Variants in PALM2AKAP2 observed in about 807,000 individuals in gnomAD.
The protein encoded by PALM2AKAP2 is PALM2-AKAP2 fusion protein.
Under a neutral mutation model 71.5 loss-of-function variants are expected in PALM2AKAP2, and 37 were observed. That is an observed-to-expected ratio of 0.52 (90% CI 0.40 to 0.68). The LOEUF is 0.68. Among genes scored for constraint, PALM2AKAP2 ranks in the 30% least tolerant of loss-of-function variants. PALM2AKAP2 has a pLI of 0.00. For synonymous variants in PALM2AKAP2, 468 were observed against 478.8 expected (o/e 0.98, Z 0.29); for missense variants, 1,224 against 1,191.8 (o/e 1.03, Z -0.40).
chr9:110,096,771 G>T (rs907646648), intron 1 of PALM2AKAP2, among the ~76,000 whole-genome samples: 3 of 150,638 alleles, frequency 2.0e-5, no homozygotes, highest in African/African-American at 7.3e-5. Flanking sequence ...TTCTGGGAAA[G>T]AGACTTTTTG....
chr9:109,967,725 G>C (rs1403410271), intron 6 of PALM2AKAP2, among the ~76,000 whole-genome samples: 1 of 152,192 alleles, frequency 6.6e-6, no homozygotes, highest in Non-Finnish European at 1.5e-5. Context: ...TCCATGTCTT[G>C]AAGGGAGAAG....
chr9:110,135,517 A>G (rs960838748), intron 1 of PALM2AKAP2, among the ~76,000 whole-genome samples: 3 of 152,016 alleles, frequency 2.0e-5, no homozygotes, highest in African/African-American at 4.8e-5. Context: ...CTTCTTAACT[A>G]AAGAGTATTA....
At chr9:110,153,030 C>G (rs1290195691) in intron 2 of PALM2AKAP2, among the ~76,000 whole-genome samples, 1 of 152,188 alleles carries the variant, frequency 6.6e-6, no homozygotes, top group African/African-American at 2.4e-5. Flanking sequence ...CGACCATTCT[C>G]AGCCCCCTTG....
At chr9:109,823,084 C>A (rs970084906) in intron 1 of PALM2AKAP2, among the ~76,000 whole-genome samples, 1 of 152,154 alleles carries the variant, frequency 6.6e-6, no homozygotes, top group African/African-American at 2.4e-5. Flanking sequence ...GAGAGACTCT[C>A]GTCAGATCAG....
At chr9:110,016,185 C>A (rs1832977607) in intron 7 of PALM2AKAP2, 146 bp downstream of exon 7, 2 of 758,852 alleles carry the variant, frequency 2.6e-6, no homozygotes, top group Non-Finnish European at 4.3e-6. Context: ...AGGGAGGCAA[C>A]CGTACATAAG....
intron 1 of PALM2AKAP2, among the ~76,000 whole-genome samples, chr9:109,691,866 A>ATATATATATG (rs1282684285): frequency 4.1e-4 from 16 of 39,358 alleles, no homozygotes; most frequent in African/African-American, 1.5e-3. Flanking sequence ...ATATATATAT[A>ATATATATATG]TACACACACA....
intron 1 of PALM2AKAP2, among the ~76,000 whole-genome samples, chr9:110,071,162 T>TA (rs1834198889): frequency 5.5e-5 from 1 of 18,310 alleles, no homozygotes; most frequent in Admixed American, 6.6e-4. Flanking sequence ...AGACTCTGTT[T>TA]CAAAAAAAAA....
intron 2 of PALM2AKAP2, among the ~76,000 whole-genome samples, chr9:110,144,987 C>T (rs1331355579): frequency 6.6e-6 from 1 of 152,176 alleles, no homozygotes; most frequent in African/African-American, 2.4e-5. Flanking sequence ...CTACCTTCTC[C>T]TTCCCATTTG....
intron 1 of PALM2AKAP2, among the ~76,000 whole-genome samples, chr9:109,746,123 T>G (rs141932468): frequency 2.6e-5 from 4 of 152,158 alleles, no homozygotes; most frequent in Admixed American, 2.6e-4. Flanking sequence ...GGCCTTGCCT[T>G]ATATGGAATT....
At chr9:109,863,711 CTTG>C (rs765213112) in intron 1 of PALM2AKAP2, among the ~76,000 whole-genome samples, 2 of 151,832 alleles carry the variant, frequency 1.3e-5, no homozygotes, top group Non-Finnish European at 3.0e-5. Context: ...CCTATGCAAA[CTTG>C]TTGTCGTTTG....
intron 1 of PALM2AKAP2, among the ~76,000 whole-genome samples, chr9:109,699,486 T>G (rs1828021167): frequency 6.6e-6 from 1 of 152,222 alleles, no homozygotes; most frequent in Non-Finnish European, 1.5e-5. Context: ...TTGCAAGCAA[T>G]CTATTCCAAA....
chr9:109,789,453 C>T (rs1587912495), intron 1 of PALM2AKAP2, among the ~76,000 whole-genome samples: 2 of 152,224 alleles, frequency 1.3e-5, no homozygotes, highest in African/African-American at 4.8e-5. Flanking sequence ...GCAAGTATGA[C>T]TTGTTATTGG....
At chr9:109,651,177 G>A (rs1827220676) in intron 1 of PALM2AKAP2, among the ~76,000 whole-genome samples, 1 of 152,156 alleles carries the variant, frequency 6.6e-6, no homozygotes, top group Non-Finnish European at 1.5e-5. Flanking sequence ...CTCAATGGAA[G>A]GCACCAGCAG....
chr9:109,960,802 G>C (rs1032873589), intron 6 of PALM2AKAP2, among the ~76,000 whole-genome samples: 2 of 152,168 alleles, frequency 1.3e-5, no homozygotes, highest in Non-Finnish European at 2.9e-5. Flanking sequence ...GGCCAGAGGA[G>C]AGGCTGAACT....
chr9:109,997,941 T>C (rs769071446), intron 6 of PALM2AKAP2, among the ~76,000 whole-genome samples: 7 of 152,206 alleles, frequency 4.6e-5, no homozygotes, highest in Non-Finnish European at 4.4e-5. Flanking sequence ...GTTCTGAAGT[T>C]CCGCTAAGTT....
chr9:110,067,581 A>G (rs987969460), intron 1 of PALM2AKAP2, among the ~76,000 whole-genome samples: 1 of 152,378 alleles, frequency 6.6e-6, no homozygotes, highest in African/African-American at 2.4e-5. Context: ...TAAAAAAGGC[A>G]TCAATGGCAG....
intron 1 of PALM2AKAP2, among the ~76,000 whole-genome samples, chr9:109,819,277 A>G (rs1371866780): frequency 2.6e-5 from 4 of 152,264 alleles, no homozygotes; most frequent in Non-Finnish European, 5.9e-5. Flanking sequence ...AATACATTTA[A>G]AAATTCATCT....
At chr9:110,153,961 G>A (rs920347712) in intron 2 of PALM2AKAP2, among the ~76,000 whole-genome samples, 9 of 152,232 alleles carry the variant, frequency 5.9e-5, no homozygotes, top group Non-Finnish European at 1.3e-4. Flanking sequence ...CTGGAAGAGT[G>A]GCTGGTGGGA....
chr9:110,135,152 C>CAAAA lies in PALM2AKAP2; in HGVS notation c.157-965_157-962dup, dbSNP rs1198538795. 3.8e-3 allele frequency among the ~76,000 whole-genome samples: 102 copies of CAAAA among 26,970 alleles called. 6 individuals are homozygous for CAAAA. Among genetic ancestry groups the CAAAA allele is most frequent in the African/African-American group, 0.013 (90 of 6,706 alleles). 17.7% of individuals were successfully genotyped at this position (26,970 alleles called of 152,430 possible). On this transcript the variant is annotated intron_variant, in intron 1 of 3. Coordinates refer to ENST00000374525, the Ensembl canonical transcript of PALM2AKAP2. ...GAGACATGGAGGAACTCTGTCTCTACAAAAAAAAAAAAATATATAAATATA... is the reference window on the plus strand; with the variant it reads ...GAGACATGGAGGAACTCTGTCTCTACAAAAAAAAAAAAAAAAATATATAAATATA...
Sources: allele counts gnomAD v4.1 joint callset (sites outside exome capture counted in the v4.1 genomes callset), GRCh38; gene constraint gnomAD v4.1.1; transcripts MANE v1.5; gene names NCBI Gene and HGNC (gene_info 2026-07-23, HGNC 2026-07-21).